The following MSRA variants were observed in gnomAD, a reference collection of about 807,000 sequenced individuals.
The protein encoded by MSRA is methionine sulfoxide reductase A.
A neutral mutation model predicts 31.3 loss-of-function variants in MSRA; 54 were observed. The observed-to-expected ratio is 1.73, with a 90% confidence interval of 1.39 to 2.17. The LOEUF (loss-of-function observed/expected upper bound fraction) is 2.17, where lower values mean the gene tolerates loss of function less well. Among genes scored for constraint, MSRA ranks in the 30% most tolerant of loss-of-function variants. The probability of loss-of-function intolerance (pLI) is 0.00; values close to 1 mark genes in which losing one functional copy is unlikely to be tolerated. For missense variants in MSRA, 507 were observed against 300.9 expected (o/e 1.69, Z -5.07); for synonymous variants, 169 against 116.5 (o/e 1.45, Z -2.90).
intron 5 of MSRA, among the ~76,000 whole-genome samples, chr8:10,404,537 G>T (rs1807677491): frequency 6.6e-6 from 1 of 152,236 alleles, no homozygotes; most frequent in Admixed American, 6.5e-5. Flanking sequence ...ATCCCGGGCG[G>T]CCGCTCCCTC....
intron 1 of MSRA, among the ~76,000 whole-genome samples, chr8:10,087,749 T>A (rs1229640247): frequency 6.6e-6 from 1 of 152,206 alleles, no homozygotes; most frequent in Non-Finnish European, 1.5e-5. Context: ...TCTTGTTAGG[T>A]TATTTCATTA....
intron 1 of MSRA, among the ~76,000 whole-genome samples, chr8:10,057,817 C>T (rs1488250330): frequency 1.3e-5 from 2 of 152,206 alleles, no homozygotes; most frequent in South Asian, 2.1e-4. Context: ...GCCATGCTTT[C>T]TGTACAGGCT....
At chr8:10,197,832 C>G (rs1228050214) in intron 1 of MSRA, among the ~76,000 whole-genome samples, 3 of 152,208 alleles carry the variant, frequency 2.0e-5, no homozygotes, top group Non-Finnish European at 2.9e-5. Context: ...AGTCCCCGAA[C>G]AGCTTGAGTG....
chr8:10,311,472 T>TGG lies in MSRA; in HGVS notation c.437-8405_437-8404dup, dbSNP rs60834796. Reference sequence around the variant, plus strand: ...GACATAAGATGCTGTACCCCACACCTGGGGGGGCGCCTTCTTCTCAATCAC... The same window carrying TGG: ...GACATAAGATGCTGTACCCCACACCTGGGGGGGGGCGCCTTCTTCTCAATCAC... On this transcript the variant is annotated intron_variant, in intron 4 of 5. Coordinates refer to ENST00000317173, the MANE Select transcript of MSRA (RefSeq NM_012331.5). 1.8e-3 allele frequency among the ~76,000 whole-genome samples: 269 copies of TGG among 151,918 alleles called. 1 individual carries two copies. Among genetic ancestry groups the TGG allele is most frequent in the Non-Finnish European group, 3.0e-3 (203 of 67,960 alleles).
At chr8:10,132,342 A>G (rs1050533168) in intron 1 of MSRA, among the ~76,000 whole-genome samples, 1 of 152,164 alleles carries the variant, frequency 6.6e-6, no homozygotes, top group African/African-American at 2.4e-5. Context: ...AATTCTCTGA[A>G]GCGTGTTTGA....
intron 5 of MSRA, among the ~76,000 whole-genome samples, chr8:10,342,146 G>C (rs975523157): frequency 6.6e-6 from 1 of 152,168 alleles, no homozygotes; most frequent in East Asian, 1.9e-4. Flanking sequence ...CTTAAGTTCT[G>C]TTCTTCAGTG....
intron 5 of MSRA, among the ~76,000 whole-genome samples, chr8:10,395,834 T>C (rs1468479331): frequency 6.6e-6 from 1 of 152,162 alleles, no homozygotes; most frequent in Non-Finnish European, 1.5e-5. Context: ...GAGGCACATA[T>C]CTTTAATAAA....
At chr8:10,422,546 G>C (rs1240588595) in intron 5 of MSRA, among the ~76,000 whole-genome samples, 2 of 152,168 alleles carry the variant, frequency 1.3e-5, no homozygotes, top group Admixed American at 1.3e-4. Flanking sequence ...ATGTGTTACT[G>C]TATGCAGTCC....
intron 1 of MSRA, among the ~76,000 whole-genome samples, chr8:10,183,937 G>GTGC (rs1269369898): frequency 1.3e-5 from 2 of 148,742 alleles, no homozygotes; most frequent in Non-Finnish European, 3.0e-5. Context: ...CTTGGTGGTG[G>GTGC]TGCTGCTGCT....
rs1491460828 is a variant in MSRA, at chr8:10,219,805, CCA to C, written c.211+11905_211+11906del. On this transcript the variant is annotated intron_variant, in intron 2 of 5. Coordinates refer to ENST00000317173, the MANE Select transcript of MSRA (RefSeq NM_012331.5). Reference sequence around the variant, plus strand: ...TGGACGACAGATCGAGACTCTGTCTCCAAAAAAAAAAAAAAAAAAAAAAGATA... The same window carrying C: ...TGGACGACAGATCGAGACTCTGTCTCAAAAAAAAAAAAAAAAAAAAAGATA... 2.4e-4 allele frequency among the ~76,000 whole-genome samples: 11 copies of C among 46,074 alleles called. No individual in the cohort carries two copies. The East Asian group carries it at 8.0e-3, about 33-fold the overall frequency. 30.2% of individuals were successfully genotyped at this position (46,074 alleles called of 152,430 possible).
At chr8:10,263,968 T>C (rs1798612392) in intron 3 of MSRA, among the ~76,000 whole-genome samples, 1 of 152,226 alleles carries the variant, frequency 6.6e-6, no homozygotes, top group African/African-American at 2.4e-5. Flanking sequence ...AATAATGATG[T>C]GACCACAGTT....
chr8:10,393,220 A>G (rs1179163720), intron 5 of MSRA, among the ~76,000 whole-genome samples: 1 of 152,178 alleles, frequency 6.6e-6, no homozygotes, highest in African/African-American at 2.4e-5. Context: ...CAGTGTAAGA[A>G]GAAGAGACGA....
chr8:10,335,138 G>T (rs1489873326), intron 5 of MSRA, among the ~76,000 whole-genome samples: 1 of 152,162 alleles, frequency 6.6e-6, no homozygotes, highest in African/African-American at 2.4e-5. Context: ...GAAACGGTCA[G>T]GGTCAATGTC....
intron 5 of MSRA, among the ~76,000 whole-genome samples, chr8:10,356,699 T>C (rs1191783970): frequency 6.6e-6 from 1 of 152,104 alleles, no homozygotes; most frequent in Admixed American, 6.5e-5. Context: ...GTGAGGACAC[T>C]GTAAGAAAGG....
At chr8:10,057,454 C>G (rs558151524) in intron 1 of MSRA, among the ~76,000 whole-genome samples, 2 of 152,306 alleles carry the variant, frequency 1.3e-5, no homozygotes, top group South Asian at 4.1e-4. Flanking sequence ...GAGTGCCTTC[C>G]ATTTTGTTAA....
chr8:10,115,984 A>T (rs1800649475), intron 1 of MSRA, among the ~76,000 whole-genome samples: 3 of 152,180 alleles, frequency 2.0e-5, no homozygotes, highest in Non-Finnish European at 4.4e-5. Context: ...CTCCCACTTG[A>T]TTCACGCATG....
At position 10,365,384 on chromosome 8, in the gene MSRA, C is replaced by G. The variant is rs568995492; in HGVS notation, c.543+45395C>G. Among the ~76,000 whole-genome samples the G allele has an allele frequency of 2.0e-5, 3 of 152,124 alleles. No homozygotes were observed. The South Asian group carries it at 6.3e-4, about 32-fold the overall frequency. On this transcript the variant is annotated intron_variant, in intron 5 of 5. Coordinates refer to ENST00000317173, the MANE Select transcript of MSRA (RefSeq NM_012331.5). ...AGTGAACTGCCAGCCATCTGCCATC[C>G]AAAGTCAGAATTTACATTGTTTCAT...
At chr8:10,297,301 C>T (rs751449881) in intron 3 of MSRA, among the ~76,000 whole-genome samples, 55 of 152,142 alleles carry the variant, frequency 3.6e-4, no homozygotes, top group Non-Finnish European at 5.4e-4. Flanking sequence ...GAGGGAGATG[C>T]TTAGAGAGGA....
chr8:10,400,489 A>C (rs973749637), intron 5 of MSRA, among the ~76,000 whole-genome samples: 1 of 152,108 alleles, frequency 6.6e-6, no homozygotes, highest in African/African-American at 2.4e-5. Flanking sequence ...GAGAAGCAGG[A>C]GTGAGAACAG....
Sources: allele counts gnomAD v4.1 joint callset (sites outside exome capture counted in the v4.1 genomes callset), GRCh38; gene constraint gnomAD v4.1.1; transcripts MANE v1.5; gene names NCBI Gene and HGNC (gene_info 2026-07-23, HGNC 2026-07-21).